Variants in PIDD1 observed in about 807,000 individuals in gnomAD.
The protein encoded by PIDD1 is p53-induced death domain protein 1, also known as p53-induced death domain-containing protein 1.
PIDD1 carries 72 observed loss-of-function variants against 80.0 expected under a neutral mutation model. The observed-to-expected ratio is 0.90, with a 90% CI of 0.74 to 1.09. PIDD1 has a LOEUF of 1.09. Among genes scored for constraint, PIDD1 ranks in the 50% least tolerant of loss-of-function variants. The pLI is 0.00. For synonymous variants in PIDD1, 655 were observed against 543.5 expected (o/e 1.21, Z -2.85); for missense variants, 1,329 against 1,228.3 (o/e 1.08, Z -1.23).
upstream of PIDD1, among the ~76,000 whole-genome samples, chr11:807,507 G>A (rs1317252239): frequency 3.3e-5 from 5 of 151,512 alleles, no homozygotes; most frequent in Non-Finnish European, 7.4e-5. Flanking sequence ...GCCGGGCGTG[G>A]TGGCTCACGC....
Position 801,833 on chromosome 11 carries a change from A to G in PIDD1, c.1302+132T>C, listed in dbSNP as rs770085451. ...GGGACGGGGTGGGGTGGAAGGTGCCAGGGACATAGGGAAGCAGGATCCAGG... is the reference window on the plus strand; with the variant it reads ...GGGACGGGGTGGGGTGGAAGGTGCCGGGGACATAGGGAAGCAGGATCCAGG... On this transcript the variant is annotated intron_variant, in intron 7 of 15. Transcript: ENST00000347755. The G allele has an allele frequency of 4.1e-5, 52 of 1,275,866 alleles. No homozygotes were observed. In the African/African-American group the frequency reaches 5.8e-4, roughly 14 times the overall value. 79.0% of individuals were successfully genotyped at this position (1,275,866 alleles called of 1,614,324 possible). A position where few individuals can be genotyped will look rare whatever the true frequency, so the allele number is the denominator to read the frequency against.
chr11:805,182 C>A lies in PIDD1; in HGVS notation c.-79G>T. ...GCCCGCCCAGGCCGGCGCGTACCTGCGCTGCAGGCGGCGCGCAAAGGGTGG... is the reference window on the plus strand; with the variant it reads ...GCCCGCCCAGGCCGGCGCGTACCTGAGCTGCAGGCGGCGCGCAAAGGGTGG... On this transcript the variant is annotated 5_prime_UTR_variant, in exon 1 of 16. Coordinates refer to ENST00000347755, the MANE Select transcript of PIDD1 (RefSeq NM_145886.4). The A allele has an allele frequency of 1.0e-6, 1 of 983,356 alleles. No individual in the cohort carries two copies. 60.9% of individuals were successfully genotyped at this position (983,356 alleles called of 1,614,324 possible).
chr11:805,055 G>A (rs1379512764), intron 1 of PIDD1, 124 bp downstream of exon 1: 3 of 247,432 alleles, frequency 1.2e-5, no homozygotes, highest in Admixed American at 6.5e-5. Flanking sequence ...ACGGCGTGGG[G>A]GGCGGGCCCC....
rs963455479 is a variant in PIDD1, at chr11:805,191, C to T, written c.-88G>A. On this transcript the variant is annotated 5_prime_UTR_variant, in exon 1 of 16. Coordinates refer to ENST00000347755, the MANE Select transcript of PIDD1 (RefSeq NM_145886.4). Reference sequence around the variant, plus strand: ...GGCCGGCGCGTACCTGCGCTGCAGGCGGCGCGCAAAGGGTGGCTGCTCAGC... The same window carrying T: ...GGCCGGCGCGTACCTGCGCTGCAGGTGGCGCGCAAAGGGTGGCTGCTCAGC... The T allele has an allele frequency of 1.0e-5, 10 of 983,808 alleles. No individual in the cohort carries two copies. Among genetic ancestry groups the T allele is most frequent in the African/African-American group, 3.5e-5 (2 of 57,184 alleles). 60.9% of individuals were successfully genotyped at this position (983,808 alleles called of 1,614,324 possible). A position where few individuals can be genotyped will look rare whatever the true frequency, so the allele number is the denominator to read the frequency against.
rs111307952 is a variant in PIDD1, at chr11:805,186, G to A, written c.-83C>T. The A allele has an allele frequency of 7.1e-6, 7 of 983,450 alleles. No homozygotes were observed. The highest frequency in any genetic ancestry group is 1.7e-5 in the African/African-American group (1 of 57,286). The allele number at this position is 983,450 out of a possible 1,614,324, so 60.9% of individuals were successfully genotyped here. ...GCCCAGGCCGGCGCGTACCTGCGCT[G>A]CAGGCGGCGCGCAAAGGGTGGCTGC... On this transcript the variant is annotated 5_prime_UTR_variant, in exon 1 of 16. Transcript: ENST00000347755.
rs1220912783 is a variant in PIDD1, at chr11:799,954, G to C, written c.2335C>G (p.Leu779Val). Residue 779 changes from leucine to valine, a missense_variant, in exon 15 of 16, where the codon CTG becomes GTG. Coordinates refer to ENST00000347755, the MANE Select transcript of PIDD1 (RefSeq NM_145886.4). Reference protein sequence around the residue: ...GAGLSLAPLNLGDAETGFLTQ... With the variant: ...GAGLSLAPLNVGDAETGFLTQ... ...AGAAAGCCGGTCTCGGCATCTCCCA[G>C]ATTCAAGGGTGCCAAGGAGAGGCCA... 6.2e-7 allele frequency: 1 copy of C among 1,612,720 alleles called. No homozygotes were observed. The highest frequency in any genetic ancestry group is 1.3e-5 in the African/African-American group (1 of 74,938).
upstream of PIDD1, chr11:809,433 T>G (rs1865939740): frequency 6.6e-6 from 1 of 152,320 alleles, no homozygotes. Context: ...CGGCTGGACG[T>G]GGGACCACCG....
chr11:800,621 C>CG lies in PIDD1; in HGVS notation c.1962dup (p.Glu655ArgfsTer4). The CG allele has an allele frequency of 6.3e-7, 1 of 1,599,820 alleles. No homozygotes were observed. The highest frequency in any genetic ancestry group is 2.2e-5 in the East Asian group (1 of 44,676). On this transcript the variant is annotated frameshift_variant, in exon 12 of 16. Coordinates refer to ENST00000347755, the MANE Select transcript of PIDD1 (RefSeq NM_145886.4). LOFTEE classifies it high-confidence loss of function. ...AACATCTCCACCGTGTCAGAGGGCTCGGGGCCCCGGTACCGCTCCAGCAGC... is the reference window on the plus strand; with the variant it reads ...AACATCTCCACCGTGTCAGAGGGCTCGGGGGCCCCGGTACCGCTCCAGCAGC...
chr11:803,923 C>T (rs764960021), intron 2 of PIDD1, 171 bp downstream of exon 2: 7 of 767,318 alleles, frequency 9.1e-6, no homozygotes, highest in African/African-American at 1.8e-5. Context: ...TGGTGATCAC[C>T]GAGGATGGCG....
chr11:802,076 C>T lies in PIDD1; in HGVS notation c.1191G>A (p.Trp397Ter). 6.3e-7 allele frequency: 1 copy of T among 1,578,738 alleles called. No homozygotes were observed. The highest frequency in any genetic ancestry group is 8.6e-7 in the Non-Finnish European group (1 of 1,162,886). The change falls in exon 7 of 16, where the codon TGG (tryptophan) becomes TGA (stop). Residue 397 changes from tryptophan to a stop codon, truncating the protein, a stop_gained. Coordinates refer to ENST00000347755, the MANE Select transcript of PIDD1 (RefSeq NM_145886.4). LOFTEE classifies it high-confidence loss of function. ...GVAFQQDVGL[W>*]LLFTPPQARR... Reference sequence around the variant, plus strand: ...GGGCCTGCGGTGGGGTGAAGAGCAGCCACAGCCCCACATCCTGCCAGACAA... The same window carrying T: ...GGGCCTGCGGTGGGGTGAAGAGCAGTCACAGCCCCACATCCTGCCAGACAA...
upstream of PIDD1, among the ~76,000 whole-genome samples, chr11:807,430 G>T (rs192488586): frequency 5.1e-4 from 78 of 152,040 alleles, no homozygotes; most frequent in African/African-American, 1.8e-3. Flanking sequence ...AGTGAGCTGA[G>T]ATTGCGCCAC....
chr11:809,477 G>C (rs1467310585), upstream of PIDD1: 3 of 152,294 alleles, frequency 2.0e-5, no homozygotes, highest in African/African-American at 7.2e-5. Context: ...AAGGAGTCAA[G>C]GCGAGCCTAC....
At chr11:802,420 C>A (rs143025790) in intron 5 of PIDD1, 24 bp from the exon 6 acceptor site, 624 of 1,607,322 alleles carry the variant, frequency 3.9e-4, no homozygotes, top group Non-Finnish European at 4.7e-4. Flanking sequence ...GAGCGAGCAA[C>A]AGGTTAGACC....
chr11:805,796 G>A (rs145784829), upstream of PIDD1: 958 of 529,000 alleles, frequency 1.8e-3, 3 homozygotes, highest in Admixed American at 4.9e-3. Context: ...AGGGGAGAAG[G>A]AGGCGTTAAG....
chr11:799,954 G>A lies in PIDD1; in HGVS notation c.2335C>T (p.Leu779=). ...AGAAAGCCGGTCTCGGCATCTCCCAGATTCAAGGGTGCCAAGGAGAGGCCA... is the reference window on the plus strand; with the variant it reads ...AGAAAGCCGGTCTCGGCATCTCCCAAATTCAAGGGTGCCAAGGAGAGGCCA... ...GAGLSLAPLN[L]GDAETGFLTQ... The change falls in exon 15 of 16, where the codon CTG becomes TTG. Residue 779 remains leucine (L), a synonymous_variant. Transcript: ENST00000347755. 6.2e-7 allele frequency: 1 copy of A among 1,612,838 alleles called. No homozygotes were observed. The highest frequency in any genetic ancestry group is 8.5e-7 in the Non-Finnish European group (1 of 1,179,942).
Position 799,897 on chromosome 11 carries a change from G to C in PIDD1, c.2392C>G (p.Arg798Gly), listed in dbSNP as rs749871545. 6.2e-7 allele frequency: 1 copy of C among 1,611,992 alleles called. No homozygotes were observed. Among genetic ancestry groups the C allele is most frequent in the Admixed American group, 1.7e-5 (1 of 59,958 alleles). The change falls in exon 15 of 16, where the codon CGT (arginine) becomes GGT (glycine). Residue 798 changes from arginine (R) to glycine (G), a missense_variant. Coordinates refer to ENST00000347755, the MANE Select transcript of PIDD1 (RefSeq NM_145886.4). ...TQSNLLSVAG[R>G]LGLDWPAVAL... ...ACGGCTGGCCAGTCCAGACCCAGAC[G>C]CCCAGCCACACTCAGCAGGTTGCTC... is the stretch of plus-strand genomic sequence containing the variant.
In PIDD1 at chr11:803,592, G is replaced by T; in HGVS notation, c.296-5C>A. On this transcript the variant is annotated splice_region_variant and splice_polypyrimidine_tract_variant and intron_variant, in intron 2 of 15. Coordinates refer to ENST00000347755, the MANE Select transcript of PIDD1 (RefSeq NM_145886.4). ...GTGTGTCCCGGCGTTGCCCTCCTGG[G>T]AAGGGGGGAGGCGGATGTGGCCCTC... The T allele has an allele frequency of 1.2e-6, 2 of 1,601,426 alleles. No individual in the cohort carries two copies. Among genetic ancestry groups the T allele is most frequent in the East Asian group, 4.5e-5 (2 of 44,306 alleles).
Position 804,259 on chromosome 11 carries a change from G to A in PIDD1, c.130C>T (p.Pro44Ser). The A allele has an allele frequency of 1.2e-6, 2 of 1,613,038 alleles. No individual in the cohort carries two copies. The highest frequency in any genetic ancestry group is 1.7e-6 in the Non-Finnish European group (2 of 1,179,990). Reference protein sequence around the residue: ...GGNRLSLDLYPGGCQQLLHLC... With the variant: ...GGNRLSLDLYSGGCQQLLHLC... ...TGCAGCAGCTGCTGGCAGCCCCCGG[G>A]GTACAGGTCCAAGCTCAGCCGGTTG... The change falls in exon 2 of 16, where the codon CCC becomes TCC. Residue 44 changes from proline to serine, a missense_variant. Transcript: ENST00000347755.
rs1443819143 is a variant in PIDD1, at chr11:799,270, TG to T, written c.*36del. The T allele has an allele frequency of 1.3e-6, 2 of 1,534,806 alleles. No individual in the cohort carries two copies. The highest frequency in any genetic ancestry group is 2.3e-5 in the East Asian group (1 of 43,946). ...GAAGGTGGGGGCTCTGCCCATCCAC[TG>T]GGGAATATCTGGGCCAGCCTAAAAG... On this transcript the variant is annotated 3_prime_UTR_variant, in exon 16 of 16. Coordinates refer to ENST00000347755, the MANE Select transcript of PIDD1 (RefSeq NM_145886.4).
Sources: gnomAD v4.1 joint callset for allele counts (sites outside exome capture counted in the v4.1 genomes callset) on GRCh38, gnomAD v4.1.1 for gene constraint, MANE v1.5 for transcripts, NCBI Gene and HGNC (gene_info 2026-07-23, HGNC 2026-07-21) for gene names.